ZNF394: variants seen among roughly 807,000 people sequenced by gnomAD.
ZNF394 encodes zinc finger protein 394.
ZNF394 carries 19 observed loss-of-function variants against 21.8 expected under a neutral mutation model. That is an observed-to-expected ratio of 0.87 (90% CI 0.61 to 1.28). The LOEUF is 1.28. ZNF394 is among the 50% of genes most tolerant of loss of function. The pLI, the probability that ZNF394 is intolerant of heterozygous loss-of-function variation, is 0.00. For synonymous variants in ZNF394, 294 were observed against 273.3 expected (o/e 1.08, Z -0.75); for missense variants, 683 against 708.6 (o/e 0.96, Z 0.41).
In ZNF394 at chr7:99,493,749, C is replaced by A; in HGVS notation, c.1466G>T (p.Arg489Ile). The A allele has an allele frequency of 6.2e-7, 1 of 1,614,180 alleles. No individual in the cohort carries two copies. The highest frequency in any genetic ancestry group is 8.5e-7 in the Non-Finnish European group (1 of 1,180,014). ...ATAGGGCTTCTCCCCAGTGTGGATT[C>A]TGTGGTGTTTAAAGAGGTCAGAGCG... ...KQRSDLFKHH[R>I]IHTGEKPYGC... The change falls in exon 3 of 3, where the codon AGA becomes ATA. Residue 489 changes from arginine to isoleucine, a missense_variant. This residue lies in a region of ZNF394 where 274 missense variants were observed against 314.1 expected (regional missense o/e 0.87). Coordinates refer to ENST00000337673, the MANE Select transcript of ZNF394 (RefSeq NM_032164.4).
chr7:99,499,830 GA>G lies in ZNF394; in HGVS notation c.263del (p.Leu88ProfsTer6). On this transcript the variant is annotated frameshift_variant, in exon 1 of 3. Transcript: ENST00000337673. LOFTEE classifies it high-confidence loss of function. ...GCTCGGGTCTCAGCCACCGACGACAGAGTTCTCGGAGCCGGCTCAGCGCCTC... is the reference window on the plus strand; with the variant it reads ...GCTCGGGTCTCAGCCACCGACGACAGGTTCTCGGAGCCGGCTCAGCGCCTC... Reference protein sequence around the residue: ...PEEALSRLRELCRRWLRPELL... With the variant: ...PEEALSRLREXCRRWLRPELL... 1 of 1,614,196 alleles carries G rather than the reference GA, an allele frequency of 6.2e-7. No homozygotes were observed. The highest frequency in any genetic ancestry group is 8.5e-7 in the Non-Finnish European group (1 of 1,180,044).
chr7:99,499,829 A>T lies in ZNF394; in HGVS notation c.265T>A (p.Cys89Ser). The change falls in exon 1 of 3, where the codon TGT becomes AGT. Residue 89 changes from cysteine to serine, a missense_variant. Transcript: ENST00000337673. The part of the protein sequence containing the change: ...EEALSRLREL[C>S]RRWLRPELLS... ...AGCTCGGGTCTCAGCCACCGACGACAGAGTTCTCGGAGCCGGCTCAGCGCC... is the reference window on the plus strand; with the variant it reads ...AGCTCGGGTCTCAGCCACCGACGACTGAGTTCTCGGAGCCGGCTCAGCGCC... 6.2e-7 allele frequency: 1 copy of T among 1,614,168 alleles called. No homozygotes were observed. The highest frequency in any genetic ancestry group is 2.2e-5 in the East Asian group (1 of 44,886).
intron 1 of ZNF394, chr7:99,487,173 C>T (rs775643895): frequency 1.0e-4 from 161 of 1,614,020 alleles, no homozygotes; most frequent in Non-Finnish European, 1.4e-4. Flanking sequence ...GTGGAAAAGC[C>T]TTTGGCCGGC....
chr7:99,491,771 C>CAAAAA (rs768073826), downstream of ZNF394, among the ~76,000 whole-genome samples: 4 of 34,964 alleles, frequency 1.1e-4, no homozygotes, highest in African/African-American at 1.2e-4. Flanking sequence ...GAATCTGTCT[C>CAAAAA]AAAAAAAAAA....
At chr7:99,492,636 T>A (rs1800187377), downstream of ZNF394, among the ~76,000 whole-genome samples, 2 of 115,504 alleles carry the variant, frequency 1.7e-5, no homozygotes, top group Non-Finnish European at 3.4e-5. Flanking sequence ...CGAGACTCCA[T>A]CTCAAAAAAA....
intron 2 of ZNF394, among the ~76,000 whole-genome samples, chr7:99,497,643 C>G (rs1397533815): frequency 2.6e-5 from 4 of 151,978 alleles, no homozygotes; most frequent in African/African-American, 9.7e-5. Context: ...GCAGGAGGAT[C>G]ACCTGAGGTA....
At position 99,499,656 on chromosome 7, in the gene ZNF394, G is replaced by C. The variant is rs763438237; in HGVS notation, c.438C>G (p.Leu146=). The C allele has an allele frequency of 8.1e-6, 13 of 1,598,806 alleles. No homozygotes were observed. The highest frequency in any genetic ancestry group is 1.7e-4 in the Middle Eastern group (1 of 5,998). Residue 146 remains leucine, a synonymous_variant, in exon 1 of 3, where the codon CTC becomes CTG. Transcript: ENST00000337673. The stretch of plus-strand genomic sequence containing the variant: ...TTCTCACCTGGGATGAGGTTCCATC[G>C]AGCGCTCGCTGCAGAGCCCGCACCA... ...VAVVRALQRA[L]DGTSSQGMVT... is the part of the protein sequence containing the mutation.
At chr7:99,498,565 C>T in intron 2 of ZNF394, 151 bp downstream of exon 2, 3 of 1,018,966 alleles carry the variant, frequency 2.9e-6, no homozygotes, top group Non-Finnish European at 4.2e-6. Context: ...AATCTAGCAC[C>T]TAGCAGTACA....
Position 99,494,348 on chromosome 7 carries a change from A to T in ZNF394, c.867T>A (p.Ser289Arg). The change falls in exon 3 of 3, where the codon AGT (serine) becomes AGA (arginine). Residue 289 changes from serine to arginine, a missense_variant. Ser to Arg is a moderately radical substitution (Grantham distance 110, BLOSUM62 -1). Transcript: ENST00000337673. ...ATAGAACAAGGTTGGAACACCTGGC[A>T]CTGTTCTGCAATTCATTATTTTTAG... is the stretch of plus-strand genomic sequence containing the variant. ...EDSKNNELQN[S>R]ARCSNLVLCQ... 6.2e-7 allele frequency: 1 copy of T among 1,614,178 alleles called. No individual in the cohort carries two copies. The highest frequency in any genetic ancestry group is 8.5e-7 in the Non-Finnish European group (1 of 1,180,032).
At chr7:99,499,311 G>A (rs1800441535) in intron 1 of ZNF394, among the ~76,000 whole-genome samples, 1 of 151,720 alleles carries the variant, frequency 6.6e-6, no homozygotes, top group Non-Finnish European at 1.5e-5. Flanking sequence ...GGGAGTCAGA[G>A]GTTGCAGCGA....
At chr7:99,490,721 C>T (rs1800144661), downstream of ZNF394, among the ~76,000 whole-genome samples, 1 of 151,370 alleles carries the variant, frequency 6.6e-6, no homozygotes, top group Non-Finnish European at 1.5e-5. Flanking sequence ...CAGATTAATC[C>T]TCATGTTTAA....
At chr7:99,495,483 C>T (rs1426129213) in intron 2 of ZNF394, among the ~76,000 whole-genome samples, 4 of 151,492 alleles carry the variant, frequency 2.6e-5, no homozygotes, top group East Asian at 1.9e-4. Flanking sequence ...CCACCACACC[C>T]GGCTAATTTT....
At position 99,486,549 on chromosome 7, in the gene ZNF394, G is replaced by A. The variant is rs200776345; in HGVS notation, n.498C>T. 24 of 1,614,012 alleles carry A rather than the reference G, an allele frequency of 1.5e-5. No homozygotes were observed. The African/African-American group carries it at 2.8e-4, about 19-fold the overall frequency. On this transcript the variant is annotated non_coding_transcript_exon_variant, in exon 2 of 2. Coordinates refer to the ZNF394 transcript ENST00000462024. Reference sequence around the variant, plus strand: ...TTTCTGAAGATTTAGAGTCATATAAGATATCAGTGGTAATGCAGGAATCAG... The same window carrying A: ...TTTCTGAAGATTTAGAGTCATATAAAATATCAGTGGTAATGCAGGAATCAG...
At position 99,497,275 on chromosome 7, in the gene ZNF394, C is replaced by T. The variant is rs1196697408; in HGVS notation, c.583+1441G>A. ...CCTCCGCCTCCCAGGTTCAGGTTCACGCCATTCTCCCGCCTCAGCCTCCCG... is the reference window on the plus strand; with the variant it reads ...CCTCCGCCTCCCAGGTTCAGGTTCATGCCATTCTCCCGCCTCAGCCTCCCG... On this transcript the variant is annotated intron_variant, in intron 2 of 2. Coordinates refer to ENST00000337673, the MANE Select transcript of ZNF394 (RefSeq NM_032164.4). 1.0e-4 allele frequency among the ~76,000 whole-genome samples: 15 copies of T among 150,742 alleles called. No homozygotes were observed. The East Asian group carries it at 2.5e-3, about 26-fold the overall frequency.
chr7:99,497,138 AT>A (rs1562894699), intron 2 of ZNF394, among the ~76,000 whole-genome samples: 3 of 130,302 alleles, frequency 2.3e-5, no homozygotes, highest in South Asian at 4.8e-4. Context: ...ATATATATAT[AT>A]ATGTATATAT....
exon 2 of ZNF394, chr7:99,486,798 A>G (rs1334174138): frequency 6.2e-7 from 1 of 1,614,248 alleles, no homozygotes; most frequent in Non-Finnish European, 8.5e-7. Context: ...GAATTCTCAC[A>G]AGAGCAAAGT....
downstream of ZNF394, among the ~76,000 whole-genome samples, chr7:99,488,337 C>T (rs1389274370): frequency 6.6e-6 from 1 of 151,460 alleles, no homozygotes; most frequent in African/African-American, 2.4e-5. Flanking sequence ...AGTTCAAGAC[C>T]AGCCTGGCCA....
At position 99,498,680 on chromosome 7, in the gene ZNF394, C is replaced by T. The variant is rs1475045821; in HGVS notation, c.583+36G>A. The T allele has an allele frequency of 5.0e-6, 8 of 1,613,148 alleles. No individual in the cohort carries two copies. The East Asian group carries it at 1.3e-4, about 27-fold the overall frequency. On this transcript the variant is annotated intron_variant, in intron 2 of 2. Transcript: ENST00000337673. ...TAGTGAACCAGCCCTTCACAAACCA[C>T]ACACCGCAATAAACCAGCAGAGCAA...
In ZNF394 at chr7:99,493,892, A is replaced by G; in HGVS notation, c.1323T>C (p.His441=). The change falls in exon 3 of 3, where the codon CAT becomes CAC. Residue 441 remains histidine (H), a synonymous_variant. Transcript: ENST00000337673. ...RHQSTHSRDK[H]FKCEECGETC... is the part of the protein sequence containing the mutation. ...TTTCCCCGCATTCCTCACATTTAAA[A>G]TGTTTGTCTCTACTGTGGGTACTTT... is the stretch of plus-strand genomic sequence containing the variant. 1 of 1,614,200 alleles carries G rather than the reference A, an allele frequency of 6.2e-7. No homozygotes were observed. Among genetic ancestry groups the G allele is most frequent in the Non-Finnish European group, 8.5e-7 (1 of 1,180,040 alleles).
Sources: gnomAD v4.1 joint callset for allele counts (sites outside exome capture counted in the v4.1 genomes callset) on GRCh38, gnomAD v4.1.1 for gene constraint, gnomAD v4.1.1 regional missense constraint, MANE v1.5 for transcripts, NCBI Gene and HGNC (gene_info 2026-07-23, HGNC 2026-07-21) for gene names.